The following ZNF624 variants were observed in gnomAD, a reference collection of about 807,000 sequenced individuals.
ZNF624 encodes the protein zinc finger protein 624.
Under a neutral mutation model 74.7 loss-of-function variants are expected in ZNF624, and 43 were observed. The observed-to-expected ratio is 0.58, with a 90% CI of 0.45 to 0.74. ZNF624 has a LOEUF of 0.74. Among genes scored for constraint, ZNF624 ranks in the 30% least tolerant of loss-of-function variants. The probability of loss-of-function intolerance (pLI) is 0.00; values close to 1 mark genes in which losing one functional copy is unlikely to be tolerated. For missense variants in ZNF624, 820 were observed against 1,030.0 expected (o/e 0.80, Z 2.79); for synonymous variants, 331 against 341.3 (o/e 0.97, Z 0.33).
At position 16,623,965 on chromosome 17, in the gene ZNF624, ATT is replaced by A. The variant is rs1908996913; in HGVS notation, c.919_920del (p.Asn307Ter). On this transcript the variant is annotated frameshift_variant, in exon 6 of 6. Transcript: ENST00000311331. LOFTEE classifies it high-confidence loss of function. The surrounding 1 kb of genome is among the most constrained non-coding windows in gnomAD (Gnocchi z 5.3). Reference sequence around the variant, plus strand: ...GCTGGCTGAATGTTTTCCCACATTCATTACATTCATAAGGTTTTTCTTTAGTA... The same window carrying A: ...GCTGGCTGAATGTTTTCCCACATTCAACATTCATAAGGTTTTTCTTTAGTA... ...THTKEKPYECNECGKTFSQPS... is the reference protein window; with the variant it reads ...THTKEKPYECXECGKTFSQPS... 3.1e-6 allele frequency: 5 copies of A among 1,613,876 alleles called. No homozygotes were observed. In the South Asian group the frequency reaches 5.5e-5, roughly 18 times the overall value.
At chr17:16,642,821 T>C (rs1181511771) in intron 3 of ZNF624, among the ~76,000 whole-genome samples, 1 of 152,064 alleles carries the variant, frequency 6.6e-6, no homozygotes, top group African/African-American at 2.4e-5. Flanking sequence ...AAGTCAAACA[T>C]AAAAGGACAA....
At chr17:16,651,929 TAATTATATAATGTTA>T (rs1428672079) in intron 1 of ZNF624, among the ~76,000 whole-genome samples, 4 of 152,204 alleles carry the variant, frequency 2.6e-5, no homozygotes, top group Non-Finnish European at 5.9e-5. Flanking sequence ...GTTAACATGT[TAATTATATAATGTTA>T]AATTATATAA....
rs1174491070 is a variant in ZNF624, at chr17:16,621,486, TG to T, written c.*801del. 1.3e-5 allele frequency: 2 copies of T among 152,254 alleles called. No individual in the cohort carries two copies. Among genetic ancestry groups the T allele is most frequent in the Non-Finnish European group, 2.9e-5 (2 of 68,046 alleles). 9.4% of individuals were successfully genotyped at this position (152,254 alleles called of 1,614,324 possible). On this transcript the variant is annotated 3_prime_UTR_variant, in exon 6 of 6. Coordinates refer to ENST00000311331, the MANE Select transcript of ZNF624 (RefSeq NM_020787.4). ...TAAACATATATTGTTGGACTGCTGG[TG>T]GAAGTATGTTACACAACCTTTAAGT...
At position 16,623,707 on chromosome 17, in the gene ZNF624, G is replaced by A. The variant is rs531802551; in HGVS notation, c.1179C>T (p.Cys393=). The A allele has an allele frequency of 4.8e-5, 77 of 1,612,080 alleles. No homozygotes were observed. The highest frequency in any genetic ancestry group is 5.7e-5 in the Non-Finnish European group (67 of 1,179,456). The change falls in exon 6 of 6, where the codon TGC becomes TGT. Residue 393 remains cysteine (C), a synonymous_variant. Transcript: ENST00000311331. The surrounding 1 kb of genome is among the most constrained non-coding windows in gnomAD (Gnocchi z 5.3). ...TGEKPYKCSE[C]GKAFSDKSKL... ...TTGATTTATCACTAAAAGCTTTCCC[G>A]CATTCACTACATTTATAGGGTTTCT... is the stretch of plus-strand genomic sequence containing the variant.
chr17:16,617,920 C>T (rs1908825547), downstream of ZNF624: 3 of 1,327,580 alleles, frequency 2.3e-6, no homozygotes, highest in Admixed American at 3.9e-5. Flanking sequence ...GGTTGTGGAA[C>T]GGCGGACCGC....
Position 16,623,963 on chromosome 17 carries a change from T to G in ZNF624, c.923A>C (p.Glu308Ala). The G allele has an allele frequency of 2.5e-6, 4 of 1,613,994 alleles. No homozygotes were observed. Among genetic ancestry groups the G allele is most frequent in the Non-Finnish European group, 3.4e-6 (4 of 1,180,024 alleles). ...HTKEKPYECN[E>A]CGKTFSQPSY... ...AGGCTGGCTGAATGTTTTCCCACAT[T>G]CATTACATTCATAAGGTTTTTCTTT... is the stretch of plus-strand genomic sequence containing the variant. The change falls in exon 6 of 6, where the codon GAA (glutamate) becomes GCA (alanine). Residue 308 changes from glutamate (E) to alanine (A), a missense_variant. Transcript: ENST00000311331. This position sits in a 1 kb window ranked among gnomAD's most constrained non-coding sequence, Gnocchi z 5.3.
chr17:16,641,566 G>A (rs1239544999), intron 3 of ZNF624, among the ~76,000 whole-genome samples: 1 of 152,182 alleles, frequency 6.6e-6, no homozygotes. Context: ...TTACAGGCAT[G>A]GGCCACCATG....
intron 3 of ZNF624, among the ~76,000 whole-genome samples, chr17:16,638,460 C>T (rs1042802853): frequency 1.3e-5 from 2 of 152,124 alleles, no homozygotes; most frequent in African/African-American, 4.8e-5. Flanking sequence ...TTGGAACCAA[C>T]CCAAATGTCC....
Position 16,634,819 on chromosome 17 carries a change from A to G in ZNF624, c.154-63T>C, listed in dbSNP as rs1004410906. On this transcript the variant is annotated intron_variant, in intron 3 of 5. Transcript: ENST00000311331. ...AATTAGACTTGTTAGGCAGAATTAT[A>G]CATAAAAAACTGGGGAAGAGCCCCA... 5 of 1,506,906 alleles carry G rather than the reference A, an allele frequency of 3.3e-6. No individual in the cohort carries two copies. The African/African-American group carries it at 7.0e-5, about 21-fold the overall frequency. 93.3% of individuals were successfully genotyped at this position (1,506,906 alleles called of 1,614,324 possible).
At chr17:16,652,007 G>A (rs1375119279) in intron 1 of ZNF624, among the ~76,000 whole-genome samples, 2 of 152,016 alleles carry the variant, frequency 1.3e-5, no homozygotes, top group Non-Finnish European at 2.9e-5. Flanking sequence ...ACACAATAGG[G>A]ATTCTGAAGG....
intron 5 of ZNF624, 127 bp downstream of exon 5, chr17:16,633,735 G>T: frequency 1.5e-6 from 1 of 646,054 alleles, no homozygotes; most frequent in Non-Finnish European, 2.6e-6. Flanking sequence ...GTGAGATGGG[G>T]GATCTCTTCC....
downstream of ZNF624, among the ~76,000 whole-genome samples, chr17:16,619,142 G>A (rs1396208582): frequency 6.6e-6 from 1 of 152,088 alleles, no homozygotes; most frequent in South Asian, 2.1e-4. Context: ...AGAGGAAGAT[G>A]GCCTTTTCAA....
At chr17:16,619,820 G>A (rs547686801), downstream of ZNF624, among the ~76,000 whole-genome samples, 87 of 152,342 alleles carry the variant, frequency 5.7e-4, no homozygotes, top group Non-Finnish European at 1.0e-3. Context: ...ATGGGAGGGA[G>A]GGTTTAGATG....
intron 2 of ZNF624, 152 bp downstream of exon 2, chr17:16,649,506 C>T: frequency 3.1e-6 from 2 of 652,844 alleles, no homozygotes; most frequent in Non-Finnish European, 5.5e-6. Context: ...CCATAGTTTA[C>T]TACCCTTACT....
chr17:16,634,522 GTGCCCCTAAAATCAAGTACTTCAGT>G, intron 4 of ZNF624, 83 bp downstream of exon 4: 1 of 1,208,066 alleles, frequency 8.3e-7, no homozygotes, highest in Non-Finnish European at 1.2e-6. Flanking sequence ...ACCCAACAAT[GTGCCCCTAAAATCAAGTACTTCAGT>G]TAAGTACTTT....
chr17:16,616,873 C>CTTG, downstream of ZNF624: 1 of 1,395,888 alleles, frequency 7.2e-7, no homozygotes. Flanking sequence ...CGACCTGGAC[C>CTTG]TTGATCTTGA....
intron 3 of ZNF624, among the ~76,000 whole-genome samples, chr17:16,643,483 A>G (rs1909514007): frequency 6.6e-6 from 1 of 152,210 alleles, no homozygotes. Context: ...GCAAATCTAT[A>G]CAGATGAAAA....
rs947875748 is a variant in ZNF624 at position 16,621,129 on chromosome 17, A to T, written c.*1159T>A. On this transcript the variant is annotated 3_prime_UTR_variant, in exon 6 of 6. Coordinates refer to ENST00000311331, the MANE Select transcript of ZNF624 (RefSeq NM_020787.4). ...ATAAATGGGTGTGATTATTTTAACA[A>T]AAATGATATATTGTATATATACATT... is the stretch of plus-strand genomic sequence containing the variant. The T allele has an allele frequency of 1.1e-4, 16 of 152,214 alleles. No homozygotes were observed. Among genetic ancestry groups the T allele is most frequent in the Admixed American group, 1.0e-3 (16 of 15,282 alleles). The allele number at this position is 152,214 out of a possible 1,614,324, so 9.4% of individuals were successfully genotyped here.
intron 5 of ZNF624, among the ~76,000 whole-genome samples, chr17:16,628,970 G>A (rs1909138968): frequency 6.6e-6 from 1 of 152,040 alleles, no homozygotes; most frequent in South Asian, 2.1e-4. Context: ...AAGCCAAGAT[G>A]GGCAGATCCC....
Sources: gnomAD v4.1 joint callset for allele counts (sites outside exome capture counted in the v4.1 genomes callset) on GRCh38, gnomAD v4.1.1 for gene constraint, Gnocchi (gnomAD v3.1) non-coding constraint, MANE v1.5 for transcripts, NCBI Gene and HGNC (gene_info 2026-07-23, HGNC 2026-07-21) for gene names.